The following VIT variants were observed in gnomAD, a reference collection of about 807,000 sequenced individuals.
The protein encoded by VIT is vitrin.
In VIT, 99 loss-of-function variants were observed where a neutral mutation model predicts 78.0. The observed-to-expected ratio is 1.27, with a 90% confidence interval of 1.08 to 1.50. The LOEUF (loss-of-function observed/expected upper bound fraction) is 1.50. VIT is among the 40% of genes most tolerant of loss of function. The pLI, the probability that VIT is intolerant of heterozygous loss-of-function variation, is 0.00. For synonymous variants in VIT, 374 were observed against 334.3 expected (o/e 1.12, Z -1.29); for missense variants, 1,126 against 875.3 (o/e 1.29, Z -3.61).
At chr2:36,785,652 G>T (rs1317985638) in intron 11 of VIT, among the ~76,000 whole-genome samples, 1 of 152,198 alleles carries the variant, frequency 6.6e-6, no homozygotes, top group Admixed American at 6.5e-5. Flanking sequence ...CGCCCAGGCA[G>T]ACAGGAGGTA....
chr2:36,808,511 C>T lies in VIT; in HGVS notation c.1429C>T (p.Gln477Ter). Residue 477 changes from glutamine to a stop codon, truncating the protein, a stop_gained, in exon 15 of 16, where the codon CAG (glutamine) becomes TAG (stop). Coordinates refer to ENST00000379242, the MANE Select transcript of VIT (RefSeq NM_053276.4). LOFTEE classifies it high-confidence loss of function. ...AAACGGCTTCTACTCGCTCCACGTG[C>T]AGAGCTGGTTTGGCCTCCACAAGAC... ...RTNGFYSLHVQSWFGLHKTLQ... is the reference protein window; with the variant it reads ...RTNGFYSLHV 1 of 1,613,060 alleles carries T rather than the reference C, an allele frequency of 6.2e-7. No individual in the cohort carries two copies. Among genetic ancestry groups the T allele is most frequent in the South Asian group, 1.1e-5 (1 of 91,078 alleles).
intron 2 of VIT, among the ~76,000 whole-genome samples, chr2:36,728,069 C>T (rs1018892311): frequency 3.3e-5 from 5 of 152,106 alleles, no homozygotes; most frequent in African/African-American, 9.7e-5. Context: ...GCTGGAATTA[C>T]AGGCGTGTGC....
At chr2:36,726,839 A>AAAAC (rs1666884424) in intron 2 of VIT, among the ~76,000 whole-genome samples, 2 of 74,860 alleles carry the variant, frequency 2.7e-5, no homozygotes, top group African/African-American at 4.3e-5. Flanking sequence ...AAAAAAAAAA[A>AAAAC]AAAACAAAAC....
intron 15 of VIT, among the ~76,000 whole-genome samples, chr2:36,812,753 T>C (rs558026955): frequency 6.6e-5 from 10 of 152,248 alleles, no homozygotes; most frequent in Admixed American, 5.9e-4. Flanking sequence ...ACATGCTCAC[T>C]TCTTTTTCAG....
intron 8 of VIT, chr2:36,774,436 C>A (rs1669934727): frequency 1.1e-6 from 1 of 944,074 alleles, no homozygotes; most frequent in Non-Finnish European, 1.3e-6. Flanking sequence ...ACGGTTTCCA[C>A]AAACTCTACT....
At chr2:36,728,918 G>C (rs184093360) in intron 2 of VIT, among the ~76,000 whole-genome samples, 28 of 151,284 alleles carry the variant, frequency 1.9e-4, no homozygotes, top group African/African-American at 6.6e-4. Context: ...TAATATCCTA[G>C]GCCTTCACAC....
chr2:36,726,839 A>AAAAAC (rs1553364631), intron 2 of VIT, among the ~76,000 whole-genome samples: 8,563 of 72,356 alleles, frequency 0.12, 314 homozygotes, highest in Non-Finnish European at 0.16. Flanking sequence ...AAAAAAAAAA[A>AAAAAC]AAAACAAAAC....
intron 1 of VIT, among the ~76,000 whole-genome samples, chr2:36,708,100 G>C (rs1225270406): frequency 6.7e-6 from 1 of 148,660 alleles, no homozygotes; most frequent in Non-Finnish European, 1.5e-5. Context: ...CCACCACATT[G>C]TAAAGGACCT....
At position 36,743,033 on chromosome 2, in the gene VIT, A is replaced by C. The variant is rs1667925909; in HGVS notation, c.119-67A>C. The C allele has an allele frequency of 1.9e-6, 3 of 1,592,230 alleles. No homozygotes were observed. In the Admixed American group the frequency reaches 5.1e-5, roughly 27 times the overall value. Reference sequence around the variant, plus strand: ...GAGATTAAGTCAATAGTTGAGACCTAACAGTGTCACCCCACAGATAAACTA... The same window carrying C: ...GAGATTAAGTCAATAGTTGAGACCTCACAGTGTCACCCCACAGATAAACTA... On this transcript the variant is annotated intron_variant, in intron 3 of 15. Transcript: ENST00000379242.
chr2:36,761,399 A>C (rs1296207012), intron 6 of VIT, among the ~76,000 whole-genome samples: 1 of 151,976 alleles, frequency 6.6e-6, no homozygotes, highest in African/African-American at 2.4e-5. Flanking sequence ...GTTCTACTGG[A>C]ATGGCCTCAC....
intron 6 of VIT, among the ~76,000 whole-genome samples, chr2:36,764,163 T>C (rs1487355658): frequency 6.6e-6 from 1 of 152,230 alleles, no homozygotes; most frequent in East Asian, 1.9e-4. Context: ...TGGCAAAAAG[T>C]GTTCACTATT....
At chr2:36,722,245 T>G (rs1666558743) in intron 2 of VIT, among the ~76,000 whole-genome samples, 1 of 152,198 alleles carries the variant, frequency 6.6e-6, no homozygotes, top group Non-Finnish European at 1.5e-5. Context: ...ACGTGTGTAC[T>G]GACAGGGAGC....
chr2:36,802,596 G>C (rs1167038574), intron 13 of VIT, among the ~76,000 whole-genome samples: 1 of 152,222 alleles, frequency 6.6e-6, no homozygotes, highest in Non-Finnish European at 1.5e-5. Flanking sequence ...CCCCAAAGCA[G>C]TATTACCTTC....
intron 1 of VIT, among the ~76,000 whole-genome samples, chr2:36,705,736 G>A (rs945848303): frequency 6.6e-6 from 1 of 152,196 alleles, no homozygotes; most frequent in South Asian, 2.1e-4. Context: ...GAATATTTAT[G>A]GGAAGTTCCT....
chr2:36,776,603 C>T lies in VIT; in HGVS notation c.802+1536C>T, dbSNP rs190091312. Among the ~76,000 whole-genome samples, 11 of 150,986 alleles carry T rather than the reference C, an allele frequency of 7.3e-5. 1 individual carries two copies. In the East Asian group the frequency reaches 1.8e-3, roughly 24 times the overall value. ...ATCATTTGAGCTCAAGAGTTCGAGA[C>T]GAGTTTGGCCCACATAGTGAGACCC... On this transcript the variant is annotated intron_variant, in intron 9 of 15. Coordinates refer to ENST00000379242, the MANE Select transcript of VIT (RefSeq NM_053276.4).
chr2:36,762,206 C>G (rs538866442), intron 6 of VIT, among the ~76,000 whole-genome samples: 4 of 152,322 alleles, frequency 2.6e-5, no homozygotes, highest in African/African-American at 9.6e-5. Flanking sequence ...TTGACATCCA[C>G]AAGGAGTGTG....
At chr2:36,761,990 A>G (rs1296555065) in intron 6 of VIT, among the ~76,000 whole-genome samples, 2 of 152,364 alleles carry the variant, frequency 1.3e-5, no homozygotes, top group Admixed American at 6.5e-5. Flanking sequence ...CAGCCCAAAA[A>G]GTATGCAAAC....
At chr2:36,700,459 A>G (rs1421080570) in intron 1 of VIT, among the ~76,000 whole-genome samples, 1 of 152,120 alleles carries the variant, frequency 6.6e-6, no homozygotes, top group Non-Finnish European at 1.5e-5. Flanking sequence ...CAATAATAAT[A>G]GGACAGGTGT....
intron 6 of VIT, among the ~76,000 whole-genome samples, chr2:36,761,054 C>A (rs1165057161): frequency 6.6e-6 from 1 of 152,126 alleles, no homozygotes; most frequent in Non-Finnish European, 1.5e-5. Context: ...CTATTTTTAC[C>A]ATGAGTGGAA....
Sources: gnomAD v4.1 joint callset for allele counts (sites outside exome capture counted in the v4.1 genomes callset) on GRCh38, gnomAD v4.1.1 for gene constraint, MANE v1.5 for transcripts, NCBI Gene and HGNC (gene_info 2026-07-23, HGNC 2026-07-21) for gene names.